ARPC3: variants seen among roughly 807,000 people sequenced by gnomAD.
ARPC3 encodes actin-related protein 2/3 complex subunit 3.
In ARPC3, 12 loss-of-function variants were observed where a neutral mutation model predicts 27.6. The observed-to-expected ratio is 0.43, with a 90% CI of 0.28 to 0.70. ARPC3 has a LOEUF of 0.70. Ranked by LOEUF, ARPC3 falls within the 30% of genes least tolerant of loss-of-function variation. ARPC3 has a pLI of 0.17. For synonymous variants in ARPC3, 53 were observed against 67.2 expected, an observed-to-expected ratio of 0.79 and a Z score of 1.03; for missense variants, 153 against 207.7, an observed-to-expected ratio of 0.74 and a Z score of 1.62.
intron 3 of ARPC3, 115 bp from the exon 4 acceptor site, chr12:110,437,267 C>A: frequency 2.7e-6 from 2 of 751,780 alleles, no homozygotes; most frequent in Admixed American, 3.9e-5. Flanking sequence ...GTAGGACAGC[C>A]ACTATCACAT....
chr12:110,443,443 A>AT lies in ARPC3; in HGVS notation c.106+2008dup, dbSNP rs2062448864. ...GCCACGCCCTATTTTTTATTTATTT[A>AT]TTTTTTCGAGATCAAGTCTCACTTT... On this transcript the variant is annotated intron_variant, in intron 2 of 6. Transcript: ENST00000228825. 6.3e-5 allele frequency among the ~76,000 whole-genome samples: 8 copies of AT among 126,942 alleles called. No homozygotes were observed. The South Asian group carries it at 2.0e-3, about 31-fold the overall frequency. The allele number at this position is 126,942 out of a possible 152,430, so 83.3% of individuals were successfully genotyped here.
At chr12:110,437,027 G>T in intron 4 of ARPC3, 57 bp downstream of exon 4, 1 of 1,158,518 alleles carries the variant, frequency 8.6e-7, no homozygotes, top group Non-Finnish European at 1.3e-6. Context: ...TGACTGGGAG[G>T]GTAAATGCCT....
intron 1 of ARPC3, 133 bp downstream of exon 1, chr12:110,450,122 C>T (rs1337294115): frequency 1.5e-6 from 2 of 1,331,286 alleles, no homozygotes; most frequent in Non-Finnish European, 2.1e-6. Flanking sequence ...CGGTCCCCTC[C>T]CCTCGCCTCC....
intron 1 of ARPC3, among the ~76,000 whole-genome samples, chr12:110,449,118 C>T (rs972722477): frequency 2.2e-4 from 34 of 152,026 alleles, no homozygotes; most frequent in African/African-American, 6.5e-4. Context: ...CTGACACTAC[C>T]GTATGTATCT....
chr12:110,435,031 T>G lies in ARPC3; in HGVS notation c.*124A>C. On this transcript the variant is annotated 3_prime_UTR_variant, in exon 7 of 7. Coordinates refer to ENST00000228825, the MANE Select transcript of ARPC3 (RefSeq NM_001278556.2). Reference sequence around the variant, plus strand: ...ACCCAAATTCTTGATCAAGAGTTTTTCAAGTAAAGACATGCTCTTCTCTCT... The same window carrying G: ...ACCCAAATTCTTGATCAAGAGTTTTGCAAGTAAAGACATGCTCTTCTCTCT... 1.2e-6 allele frequency: 1 copy of G among 800,186 alleles called. No homozygotes were observed. Among genetic ancestry groups the G allele is most frequent in the Non-Finnish European group, 2.2e-6 (1 of 459,574 alleles). The allele number at this position is 800,186 out of a possible 1,614,324, so 49.6% of individuals were successfully genotyped here.
In ARPC3 at chr12:110,445,445, G is replaced by C; in HGVS notation, c.106+7C>G. On this transcript the variant is annotated splice_region_variant and intron_variant, in intron 2 of 6. Coordinates refer to ENST00000228825, the MANE Select transcript of ARPC3 (RefSeq NM_001278556.2). The stretch of plus-strand genomic sequence containing the variant: ...CCAAAATTTGAAAATAATGGGTTTA[G>C]ACTTACTCTCTCTGGGGGCAGGTCC... 6.3e-7 allele frequency: 1 copy of C among 1,593,310 alleles called. No individual in the cohort carries two copies. The highest frequency in any genetic ancestry group is 1.1e-5 in the South Asian group (1 of 90,666).
chr12:110,437,024 G>A (rs1261115831), intron 4 of ARPC3, 60 bp downstream of exon 4: 3 of 1,112,034 alleles, frequency 2.7e-6, no homozygotes, highest in Non-Finnish European at 2.8e-6. Context: ...AGATGACTGG[G>A]AGGGTAAATG....
intron 2 of ARPC3, among the ~76,000 whole-genome samples, chr12:110,441,461 A>G (rs926813833): frequency 1.3e-5 from 2 of 152,174 alleles, no homozygotes; most frequent in Non-Finnish European, 2.9e-5. Context: ...AAAGTAGTAC[A>G]TGGTTTATTT....
At chr12:110,444,538 GC>G (rs1383243018) in intron 2 of ARPC3, among the ~76,000 whole-genome samples, 2 of 151,962 alleles carry the variant, frequency 1.3e-5, no homozygotes, top group Non-Finnish European at 2.9e-5. Context: ...ACTTGCCTTG[GC>G]CTTCCAAAGT....
chr12:110,436,903 C>T (rs2062409348), intron 4 of ARPC3, 181 bp downstream of exon 4: 5 of 669,082 alleles, frequency 7.5e-6, no homozygotes, highest in Non-Finnish European at 1.0e-5. Flanking sequence ...ATCTTTGTGT[C>T]AGTCAATTAT....
At chr12:110,440,244 C>T (rs1182756842) in intron 3 of ARPC3, 68 bp downstream of exon 3, 3 of 1,084,768 alleles carry the variant, frequency 2.8e-6, no homozygotes, top group Non-Finnish European at 4.3e-6. Flanking sequence ...TCACAGCAAT[C>T]TGGATAGCAA....
At chr12:110,437,860 T>G (rs1460902610) in intron 3 of ARPC3, among the ~76,000 whole-genome samples, 3 of 152,198 alleles carry the variant, frequency 2.0e-5, no homozygotes, top group Non-Finnish European at 4.4e-5. Context: ...TAGTCATTAC[T>G]CTAAAGGAGG....
At chr12:110,445,256 G>T (rs2062457858) in intron 2 of ARPC3, 196 bp downstream of exon 2, 1 of 567,492 alleles carries the variant, frequency 1.8e-6, no homozygotes. Context: ...GGAGAAGTCA[G>T]AAGAAATAAT....
At chr12:110,445,401 G>A in intron 2 of ARPC3, 51 bp downstream of exon 2, 1 of 1,332,870 alleles carries the variant, frequency 7.5e-7, no homozygotes, top group Non-Finnish European at 1.1e-6. Context: ...CATTTCAGAA[G>A]ATTGTTAGGC....
At chr12:110,444,431 C>T (rs144086721) in intron 2 of ARPC3, among the ~76,000 whole-genome samples, 17 of 152,032 alleles carry the variant, frequency 1.1e-4, no homozygotes, top group African/African-American at 3.9e-4. Flanking sequence ...ATCACAGGTG[C>T]CCACCACCAT....
chr12:110,437,273 C>G, intron 3 of ARPC3, 121 bp from the exon 4 acceptor site: 1 of 724,690 alleles, frequency 1.4e-6, no homozygotes, highest in South Asian at 1.5e-5. Context: ...CAGCCACTAT[C>G]ACATCAAAAC....
chr12:110,446,666 T>G (rs2062466390), intron 1 of ARPC3, among the ~76,000 whole-genome samples: 1 of 148,372 alleles, frequency 6.7e-6, no homozygotes. Context: ...TGGAGTGCGG[T>G]GGCGCGATCT....
intron 1 of ARPC3, among the ~76,000 whole-genome samples, chr12:110,447,937 C>CAG (rs1364472227): frequency 8.0e-6 from 1 of 124,702 alleles, no homozygotes; most frequent in African/African-American, 3.0e-5. Flanking sequence ...GGCTGGAGTA[C>CAG]AGTGGCAGGA....
chr12:110,435,322 CT>C (rs372540827), intron 6 of ARPC3, 105 bp from the exon 7 acceptor site: 95,017 of 634,496 alleles, frequency 0.15, 92 homozygotes, highest in East Asian at 0.18. Flanking sequence ...CTCTTATAAA[CT>C]TTTTTTTTTT....
Sources: allele counts gnomAD v4.1 joint callset (sites outside exome capture counted in the v4.1 genomes callset), GRCh38; gene constraint gnomAD v4.1.1; transcripts MANE v1.5; gene names NCBI Gene and HGNC (gene_info 2026-07-23, HGNC 2026-07-21).